Variants in SAMD5 observed in about 807,000 individuals in gnomAD.
SAMD5 encodes the protein sterile alpha motif domain containing 5.
Under a neutral mutation model 11.3 loss-of-function variants are expected in SAMD5, and 13 were observed. The ratio of observed to expected loss-of-function variants is 1.15; its 90% confidence interval spans 0.75 to 1.83. The LOEUF (loss-of-function observed/expected upper bound fraction) is 1.83. SAMD5 is among the 40% of genes most tolerant of loss of function. The pLI, the probability that SAMD5 is intolerant of heterozygous loss-of-function variation, is 0.00. For missense variants in SAMD5, 255 were observed against 239.1 expected (o/e 1.07, Z -0.44); for synonymous variants, 129 against 111.3 (o/e 1.16, Z -1.00).
At chr6:147,648,047 AGACTTCCCT>A (rs988586499) in intron 1 of SAMD5, among the ~76,000 whole-genome samples, 98 of 152,312 alleles carry the variant, frequency 6.4e-4, no homozygotes, top group Non-Finnish European at 1.0e-4. Flanking sequence ...GTTAGTGGGG[AGACTTCCCT>A]CTAAGGCCAG....
intron 1 of SAMD5, among the ~76,000 whole-genome samples, chr6:147,580,286 T>TACCATTCC (rs938822222): frequency 1.3e-5 from 2 of 152,196 alleles, no homozygotes; most frequent in African/African-American, 4.8e-5. Flanking sequence ...CTCTGAACAC[T>TACCATTCC]ACCATTCCAC....
At chr6:147,953,358 A>C in the SAMD5 span, 5 of 151,966 alleles carry the variant, frequency 3.3e-5, no homozygotes, top group Non-Finnish European at 7.4e-5. Context: ...TTCTGTCAGG[A>C]AAAATAAATG....
downstream of SAMD5, among the ~76,000 whole-genome samples, chr6:147,737,854 A>G (rs575417879): frequency 1.3e-5 from 2 of 152,142 alleles, no homozygotes; most frequent in African/African-American, 4.8e-5. Context: ...TTTTCTGCAC[A>G]AGCCAGGACA....
Position 147,734,639 on chromosome 6 carries a change from G to GGA in SAMD5, c.163-2676_163-2675dup, listed in dbSNP as rs1411451586. Among the ~76,000 whole-genome samples, 3 of 146,900 alleles carry GGA rather than the reference G, an allele frequency of 2.0e-5. No individual in the cohort carries two copies. The East Asian group carries it at 6.0e-4, about 30-fold the overall frequency. On this transcript the variant is annotated intron_variant, in intron 1 of 1. Transcript: ENST00000566741. ...GAGGCAGGAGAATGGCGTGAACCCG[G>GGA]GAGGTGGAGCTTGCAGTCAGCCGAG...
chr6:147,508,920 G>T lies in SAMD5; in HGVS notation c.-9G>T. 1 of 1,586,390 alleles carries T rather than the reference G, an allele frequency of 6.3e-7. No homozygotes were observed. The highest frequency in any genetic ancestry group is 8.6e-7 in the Non-Finnish European group (1 of 1,167,488). On this transcript the variant is annotated 5_prime_UTR_variant, in exon 1 of 2. Transcript: ENST00000367474. Reference sequence around the variant, plus strand: ...GAAGGTGCTCGGCGGCGGGGTTCCCGGTCCCACCATGTGCACCAACATAGT... The same window carrying T: ...GAAGGTGCTCGGCGGCGGGGTTCCCTGTCCCACCATGTGCACCAACATAGT...
chr6:147,752,624 A>G, the SAMD5 span, among the ~76,000 whole-genome samples: 1 of 152,138 alleles, frequency 6.6e-6, no homozygotes, highest in Non-Finnish European at 1.5e-5. Flanking sequence ...GAAACATGCA[A>G]ATTAGGGCTC....
intron 1 of SAMD5, among the ~76,000 whole-genome samples, chr6:147,716,208 AC>A (rs1402885403): frequency 6.6e-6 from 1 of 151,796 alleles, no homozygotes; most frequent in Non-Finnish European, 1.5e-5. Context: ...TGTGCTCGTC[AC>A]CCCCCAAAGT....
the SAMD5 span, among the ~76,000 whole-genome samples, chr6:147,753,089 A>G: frequency 1.3e-5 from 2 of 152,202 alleles, no homozygotes; most frequent in Non-Finnish European, 2.9e-5. Flanking sequence ...CACTTTGACA[A>G]AGAAACATAA....
rs540917500 is a variant in SAMD5 at position 147,618,249 on chromosome 6, A to T, written c.162+108862A>T. On this transcript the variant is annotated intron_variant, in intron 1 of 1. Transcript: ENST00000566741. ...AGAGCAATAAGACAGCGCCATGCTC[A>T]TCGGCATTAACGTGTAGGTTTGGAG... Among the ~76,000 whole-genome samples, 5 of 152,354 alleles carry T rather than the reference A, an allele frequency of 3.3e-5. No individual in the cohort carries two copies. In the East Asian group the frequency reaches 9.7e-4, roughly 29 times the overall value.
At chr6:147,660,149 G>A (rs1790627162) in intron 1 of SAMD5, among the ~76,000 whole-genome samples, 1 of 152,122 alleles carries the variant, frequency 6.6e-6, no homozygotes, top group Non-Finnish European at 1.5e-5. Context: ...TATGATATGC[G>A]GAAATGCCCC....
chr6:147,582,885 T>C (rs112748302), intron 1 of SAMD5, among the ~76,000 whole-genome samples: 1 of 152,150 alleles, frequency 6.6e-6, no homozygotes, highest in African/African-American at 2.4e-5. Flanking sequence ...GTGAGGACAG[T>C]GGGGTCTGTA....
rs188158176 is a variant in SAMD5 at position 147,584,883 on chromosome 6, G to A, written c.162+75496G>A. Among the ~76,000 whole-genome samples, 119 of 152,252 alleles carry A rather than the reference G, an allele frequency of 7.8e-4. 2 individuals are homozygous for A. The East Asian group carries it at 0.02, about 25-fold the overall frequency. ...GAAAATGTGACAGAAAGGAAAGAAG[G>A]CACATGAGAGAAAAATCTGTTGATT... On this transcript the variant is annotated intron_variant, in intron 1 of 1. Coordinates refer to the SAMD5 transcript ENST00000566741.
the SAMD5 span, among the ~76,000 whole-genome samples, chr6:147,784,200 ATT>A: frequency 1.4e-3 from 213 of 151,188 alleles, no homozygotes; most frequent in African/African-American, 4.6e-3. Context: ...AATTAAGGGA[ATT>A]TTTTTTTTAA....
chr6:147,720,454 C>T (rs1317338658), intron 1 of SAMD5, among the ~76,000 whole-genome samples: 1 of 121,088 alleles, frequency 8.3e-6, no homozygotes, highest in Non-Finnish European at 1.8e-5. Context: ...CAGAGCGAGA[C>T]TCTGTCTCAA....
intron 1 of SAMD5, among the ~76,000 whole-genome samples, chr6:147,649,724 G>A (rs919790284): frequency 4.6e-5 from 7 of 150,990 alleles, no homozygotes; most frequent in Non-Finnish European, 1.0e-4. Flanking sequence ...CCAGGAGGCA[G>A]AGTTTGTAGT....
chr6:147,538,400 C>G (rs1788546676), intron 1 of SAMD5, among the ~76,000 whole-genome samples: 1 of 152,136 alleles, frequency 6.6e-6, no homozygotes. Context: ...TATTCCTGTG[C>G]CTTTTTATAA....
chr6:147,798,202 T>C, the SAMD5 span, among the ~76,000 whole-genome samples: 2 of 149,282 alleles, frequency 1.3e-5, no homozygotes, highest in African/African-American at 5.0e-5. Context: ...CTTGTGGGCA[T>C]TTAGTGTTAT....
chr6:147,671,844 T>C (rs540381678), intron 1 of SAMD5, among the ~76,000 whole-genome samples: 58 of 151,922 alleles, frequency 3.8e-4, no homozygotes, highest in Non-Finnish European at 4.4e-4. Context: ...TATAATATGC[T>C]TTATATTTAA....
the SAMD5 span, among the ~76,000 whole-genome samples, chr6:147,847,509 A>G: frequency 2.0e-5 from 3 of 152,232 alleles, no homozygotes. Context: ...TCCTAAATAC[A>G]AGAAGTCAAT....
Sources: allele counts gnomAD v4.1 joint callset (sites outside exome capture counted in the v4.1 genomes callset), GRCh38; gene constraint gnomAD v4.1.1; transcripts MANE v1.5; gene names NCBI Gene and HGNC (gene_info 2026-07-23, HGNC 2026-07-21).